KSR2: variants seen among roughly 807,000 people sequenced by gnomAD.
KSR2 encodes the protein kinase suppressor of ras 2.
In KSR2, 25 loss-of-function variants were observed where a neutral mutation model predicts 107.8. That is an observed-to-expected ratio of 0.23 (90% CI 0.17 to 0.32). The LOEUF is 0.32. Ranked by LOEUF, KSR2 falls within the 10% of genes least tolerant of loss-of-function variation. The pLI, the probability that KSR2 is intolerant of heterozygous loss-of-function variation, is 1.00. For missense variants in KSR2, 887 were observed against 1,268.9 expected (o/e 0.70, Z 4.57); for synonymous variants, 480 against 507.0 (o/e 0.95, Z 0.71).
chr12:117,770,385 T>C (rs1001944394), intron 3 of KSR2, among the ~76,000 whole-genome samples: 1 of 152,062 alleles, frequency 6.6e-6, no homozygotes, highest in South Asian at 2.1e-4. Flanking sequence ...GCTGAAGCCG[T>C]GGGACAGGCA....
At chr12:117,697,649 T>A (rs1035673370) in intron 4 of KSR2, among the ~76,000 whole-genome samples, 3 of 147,422 alleles carry the variant, frequency 2.0e-5, no homozygotes, top group Non-Finnish European at 3.0e-5. Context: ...CTGAGGCAGG[T>A]GAATCGCTTG....
chr12:117,671,403 A>G (rs1884901701), intron 4 of KSR2, among the ~76,000 whole-genome samples: 1 of 152,048 alleles, frequency 6.6e-6, no homozygotes, highest in African/African-American at 2.4e-5. Flanking sequence ...ACAGTTTCCT[A>G]TTTTTTCAGA....
At position 117,471,214 on chromosome 12, in the gene KSR2, T is replaced by A. The variant is rs1263878451; in HGVS notation, c.2689A>T (p.Ile897Phe). 1 of 1,613,850 alleles carries A rather than the reference T, an allele frequency of 6.2e-7. No individual in the cohort carries two copies. Among genetic ancestry groups the A allele is most frequent in the East Asian group, 2.2e-5 (1 of 44,898 alleles). The change falls in exon 18 of 20, where the codon ATT becomes TTT. Residue 897 changes from isoleucine (I) to phenylalanine (F), a missense_variant. By Grantham distance (21) the Ile-to-Phe change is conservative. This residue lies in a region of KSR2 where 308 missense variants were observed against 506.2 expected (regional missense o/e 0.61). Coordinates refer to ENST00000339824, the MANE Select transcript of KSR2 (RefSeq NM_173598.6). ...GTGMKPNLSQIGMGKEISDIL... is the reference protein window; with the variant it reads ...GTGMKPNLSQFGMGKEISDIL... ...ACCGAGATTTCTTTTCCCATGCCAATCTGGCTGAGGTTGGGTTTCATGCCT... is the reference window on the plus strand; with the variant it reads ...ACCGAGATTTCTTTTCCCATGCCAAACTGGCTGAGGTTGGGTTTCATGCCT...
chr12:117,667,671 C>T lies in KSR2; in HGVS notation c.987-13G>A, dbSNP rs753132709. The T allele has an allele frequency of 5.8e-6, 9 of 1,549,120 alleles. No individual in the cohort carries two copies. The East Asian group carries it at 2.0e-4, about 35-fold the overall frequency. ...CTTCTTCTTGGCTCTGAAAGGGAGA[C>T]AGAAAAAGAGGAAAAGGAAATATAT... On this transcript the variant is annotated splice_polypyrimidine_tract_variant and intron_variant, in intron 4 of 19. Coordinates refer to ENST00000339824, the MANE Select transcript of KSR2 (RefSeq NM_173598.6).
intron 3 of KSR2, among the ~76,000 whole-genome samples, chr12:117,817,284 C>A (rs1281572448): frequency 5.3e-5 from 8 of 152,150 alleles, no homozygotes; most frequent in Admixed American, 5.2e-4. Context: ...ATCTGAATTT[C>A]AAAACCATTC....
chr12:117,776,009 G>C lies in KSR2; in HGVS notation c.473-14485C>G, dbSNP rs76208765. On this transcript the variant is annotated intron_variant, in intron 3 of 19. Transcript: ENST00000339824. The stretch of plus-strand genomic sequence containing the variant: ...AGTGTATACTGCTCGGGTGATGAGC[G>C]CACAAAATCTCACAAATCACCACTA... 2.0e-5 allele frequency among the ~76,000 whole-genome samples: 3 copies of C among 151,948 alleles called. No homozygotes were observed. The South Asian group carries it at 6.3e-4, about 32-fold the overall frequency.
chr12:117,512,576 C>T (rs767870202), intron 14 of KSR2, among the ~76,000 whole-genome samples: 6 of 152,192 alleles, frequency 3.9e-5, no homozygotes, highest in Non-Finnish European at 8.8e-5. Flanking sequence ...CCATAAGCTT[C>T]TGATGCACGT....
chr12:117,481,010 C>CGT (rs1703436617), intron 16 of KSR2, among the ~76,000 whole-genome samples: 1 of 151,814 alleles, frequency 6.6e-6, no homozygotes, highest in South Asian at 2.1e-4. Flanking sequence ...TGCAGTGAGC[C>CGT]GTGATTGCAC....
intron 5 of KSR2, among the ~76,000 whole-genome samples, chr12:117,595,351 CTTTTTTTTTTT>C (rs71099060): frequency 1.8e-4 from 17 of 94,584 alleles, no homozygotes; most frequent in Admixed American, 1.5e-3. Flanking sequence ...AGATCAAATT[CTTTTTTTTTTT>C]TTTTTTTTTT....
intron 4 of KSR2, among the ~76,000 whole-genome samples, chr12:117,736,200 C>T (rs569411055): frequency 1.3e-5 from 2 of 152,314 alleles, no homozygotes; most frequent in East Asian, 1.9e-4. Flanking sequence ...TCCCCCAGGT[C>T]ATTTATTCAC....
At chr12:117,802,391 G>C (rs1376422207) in intron 3 of KSR2, among the ~76,000 whole-genome samples, 1 of 152,050 alleles carries the variant, frequency 6.6e-6, no homozygotes, top group African/African-American at 2.4e-5. Context: ...CATTTTCAAA[G>C]TCCCTTTACT....
intron 5 of KSR2, among the ~76,000 whole-genome samples, chr12:117,650,889 G>C (rs1451648620): frequency 6.6e-6 from 1 of 152,202 alleles, no homozygotes; most frequent in African/African-American, 2.4e-5. Context: ...CTTATCTCCT[G>C]TAGAGAAAGA....
At chr12:117,709,635 C>CTT (rs373647812) in intron 4 of KSR2, among the ~76,000 whole-genome samples, 89 of 152,334 alleles carry the variant, frequency 5.8e-4, no homozygotes, top group African/African-American at 2.1e-3. Context: ...GTTTTATCTA[C>CTT]TTCAGTGCAC....
Position 117,614,948 on chromosome 12 carries a change from T to C in KSR2, c.1172-32589A>G, listed in dbSNP as rs1457008315. 5.3e-5 allele frequency among the ~76,000 whole-genome samples: 8 copies of C among 152,090 alleles called. 1 individual carries two copies. The highest frequency in any genetic ancestry group is 4.2e-4 in the South Asian group (2 of 4,818). The stretch of plus-strand genomic sequence containing the variant: ...CTTGGACTGAATTTGATTATAATGA[T>C]GGCAGTTGAGGGAAAAAAACTGTCT... On this transcript the variant is annotated intron_variant, in intron 5 of 19. Transcript: ENST00000339824.
At chr12:117,953,377 A>G (rs1896421181) in intron 1 of KSR2, among the ~76,000 whole-genome samples, 1 of 152,246 alleles carries the variant, frequency 6.6e-6, no homozygotes, top group Non-Finnish European at 1.5e-5. Context: ...CTCTCATACC[A>G]GTGATCATAG....
In KSR2 at chr12:117,761,118, G is replaced by C. The variant is rs1228596517; in HGVS notation, c.879C>G (p.Pro293=). The C allele has an allele frequency of 6.2e-7, 1 of 1,613,396 alleles. No individual in the cohort carries two copies. Among genetic ancestry groups the C allele is most frequent in the Non-Finnish European group, 8.5e-7 (1 of 1,179,536 alleles). ...TCAAGTGTATCAGTTTTCGGGAGGA[G>C]GGCGGTGGGGTCCCCGGGGGCTTCA... ...NKLKPPGTPP[P]SSRKLIHLIP... is the part of the protein sequence containing the mutation. Residue 293 remains proline, a synonymous_variant, in exon 4 of 20, where the codon CCC becomes CCG. Transcript: ENST00000339824.
chr12:117,530,890 G>T (rs1461510202), intron 12 of KSR2, 51 bp downstream of exon 12: 35 of 1,504,608 alleles, frequency 2.3e-5, no homozygotes, highest in Non-Finnish European at 3.1e-5. Context: ...GGATTGTAGG[G>T]CCAGGGCTGG....
At chr12:117,803,058 AT>A (rs769749209) in intron 3 of KSR2, among the ~76,000 whole-genome samples, 10 of 152,360 alleles carry the variant, frequency 6.6e-5, no homozygotes, top group Middle Eastern at 3.4e-3. Flanking sequence ...TCACAAAAAA[AT>A]ATTTCCATTC....
At chr12:117,832,837 C>G (rs1933380533) in intron 3 of KSR2, among the ~76,000 whole-genome samples, 1 of 152,236 alleles carries the variant, frequency 6.6e-6, no homozygotes, top group Non-Finnish European at 1.5e-5. Context: ...TGCACTGCTG[C>G]CTGGGACAAC....
Sources: gnomAD v4.1 joint callset for allele counts (sites outside exome capture counted in the v4.1 genomes callset) on GRCh38, gnomAD v4.1.1 for gene constraint, gnomAD v4.1.1 regional missense constraint, MANE v1.5 for transcripts, NCBI Gene and HGNC (gene_info 2026-07-23, HGNC 2026-07-21) for gene names.